KCNMA1: variants seen among roughly 807,000 people sequenced by gnomAD.
KCNMA1 encodes the protein potassium calcium-activated channel subfamily M alpha 1.
In KCNMA1, 29 loss-of-function variants were observed where a neutral mutation model predicts 140.0. The ratio of observed to expected loss-of-function variants is 0.21; its 90% CI spans 0.15 to 0.28. The LOEUF (loss-of-function observed/expected upper bound fraction) is 0.28. Ranked by LOEUF, KCNMA1 falls within the 10% of genes least tolerant of loss-of-function variation. KCNMA1 has a pLI of 1.00. For missense variants in KCNMA1, 880 were observed against 1,602.2 expected, an observed-to-expected ratio of 0.55 and a Z score of 7.70; for synonymous variants, 612 against 611.9, an observed-to-expected ratio of 1.00 and a Z score of 0.00.
chr10:76,913,970 T>C, intron 24 of KCNMA1: 1 of 1,009,136 alleles, frequency 9.9e-7, no homozygotes, highest in South Asian at 1.5e-5. Context: ...TTACAGCCGG[T>C]GAAATAAAAA....
Position 77,626,739 on chromosome 10 carries a change from G to A in KCNMA1, c.378+10526C>T, listed in dbSNP as rs193241249. Among the ~76,000 whole-genome samples the A allele has an allele frequency of 8.5e-4, 129 of 152,256 alleles. 1 individual carries two copies. Among genetic ancestry groups the A allele is most frequent in the Admixed American group, 4.1e-3 (63 of 15,296 alleles). ...GCTTCACCTCTGAGCCACACAGGCC[G>A]CGTGCTATCAGTTCATTCCACAGAA... On this transcript the variant is annotated intron_variant, in intron 1 of 27. Transcript: ENST00000286628.
chr10:77,286,266 G>C (rs373904811), intron 2 of KCNMA1, among the ~76,000 whole-genome samples: 3 of 152,076 alleles, frequency 2.0e-5, no homozygotes, highest in African/African-American at 7.2e-5. Flanking sequence ...TCATTTAAAC[G>C]CCACCTCGAT....
intron 1 of KCNMA1, among the ~76,000 whole-genome samples, chr10:77,431,681 T>TAAAAAAAAAAAAAAAAA (rs71028276): frequency 1.3e-5 from 1 of 75,438 alleles, no homozygotes; most frequent in African/African-American, 4.8e-5. Flanking sequence ...TGGTCTGTTG[T>TAAAAAAAAAAAAAAAAA]AAAAAAAAAA....
intron 3 of KCNMA1, among the ~76,000 whole-genome samples, chr10:77,224,181 G>T (rs991088427): frequency 3.3e-5 from 5 of 152,344 alleles, no homozygotes; most frequent in African/African-American, 1.2e-4. Context: ...ACATGTGTCT[G>T]CTCCCAAAAT....
chr10:77,634,434 C>T (rs1294550985), intron 1 of KCNMA1: 1 of 985,296 alleles, frequency 1.0e-6, no homozygotes, highest in Non-Finnish European at 1.2e-6. Context: ...AGAGATGTCC[C>T]ACGATGCATG....
intron 3 of KCNMA1, among the ~76,000 whole-genome samples, chr10:77,223,825 C>T (rs938314339): frequency 2.6e-5 from 4 of 152,098 alleles, no homozygotes; most frequent in Admixed American, 6.6e-5. Context: ...CTTGGTGGTA[C>T]TGGTTCACGC....
downstream of KCNMA1, among the ~76,000 whole-genome samples, chr10:76,883,156 C>T (rs1049688439): frequency 6.6e-6 from 1 of 152,178 alleles, no homozygotes; most frequent in Non-Finnish European, 1.5e-5. Flanking sequence ...GGCTATTCCC[C>T]TTTCTCAGAA....
At chr10:76,995,428 A>T (rs999490986) in intron 19 of KCNMA1, 1 of 390,102 alleles carries the variant, frequency 2.6e-6, no homozygotes, top group Non-Finnish European at 5.4e-6. Context: ...GCAGAGACGG[A>T]CTTGACATTT....
Position 76,930,429 on chromosome 10 carries a change from C to G in KCNMA1, c.2902+14344G>C, listed in dbSNP as rs566028954. Among the ~76,000 whole-genome samples, 27 of 152,248 alleles carry G rather than the reference C, an allele frequency of 1.8e-4. No individual in the cohort carries two copies. The South Asian group carries it at 5.6e-3, about 32-fold the overall frequency. ...AATGCAAATCACAATAAGATATCACCTCATACCTGTTAAGATTGCTATTAT... is the reference window on the plus strand; with the variant it reads ...AATGCAAATCACAATAAGATATCACGTCATACCTGTTAAGATTGCTATTAT... On this transcript the variant is annotated intron_variant, in intron 23 of 27. Transcript: ENST00000286628.
At chr10:77,176,113 T>C (rs555527934) in intron 5 of KCNMA1, among the ~76,000 whole-genome samples, 4 of 152,230 alleles carry the variant, frequency 2.6e-5, no homozygotes, top group South Asian at 4.2e-4. Context: ...AGATGCTCCA[T>C]TGAAGCAGAG....
chr10:76,903,493 C>T (rs544316938), intron 25 of KCNMA1: 3 of 152,144 alleles, frequency 2.0e-5, no homozygotes, highest in African/African-American at 7.2e-5. Flanking sequence ...CCAGGCCTGC[C>T]TGGCCTGATG....
chr10:77,268,408 G>A (rs1166691894), intron 2 of KCNMA1, among the ~76,000 whole-genome samples: 1 of 152,138 alleles, frequency 6.6e-6, no homozygotes, highest in African/African-American at 2.4e-5. Flanking sequence ...GCATTTCCAT[G>A]CTGCTAGTGG....
rs144035910 is a variant in KCNMA1 at position 76,934,054 on chromosome 10, C to T, written c.2902+10719G>A. On this transcript the variant is annotated intron_variant, in intron 23 of 27. Coordinates refer to ENST00000286628, the MANE Select transcript of KCNMA1 (RefSeq NM_001161352.2). ...ATGGCGCAATCTCGGCTCACTGCAA[C>T]CTCCACCTCCTGGGTTCATGTGATT... Among the ~76,000 whole-genome samples, 1,184 of 152,258 alleles carry T rather than the reference C, an allele frequency of 7.8e-3. 16 individuals carry two copies. The highest frequency in any genetic ancestry group is 0.028 in the African/African-American group (1,143 of 41,538).
chr10:77,045,721 T>G (rs2095010494), intron 14 of KCNMA1, among the ~76,000 whole-genome samples: 1 of 152,200 alleles, frequency 6.6e-6, no homozygotes, highest in African/African-American at 2.4e-5. Context: ...CTTCCTCTGA[T>G]TAGAGTGAAA....
At chr10:77,098,571 C>A (rs2097000280) in intron 9 of KCNMA1, among the ~76,000 whole-genome samples, 1 of 143,740 alleles carries the variant, frequency 7.0e-6, no homozygotes, top group Middle Eastern at 3.3e-3. Context: ...GGTACCCTAA[C>A]CTTTAAAAAA....
intron 2 of KCNMA1, among the ~76,000 whole-genome samples, chr10:77,336,797 G>C (rs1422362233): frequency 6.6e-6 from 1 of 152,174 alleles, no homozygotes; most frequent in Non-Finnish European, 1.5e-5. Flanking sequence ...AGCAGACCAG[G>C]CTGATGGACC....
At chr10:77,002,686 A>C (rs1182859396) in intron 18 of KCNMA1, among the ~76,000 whole-genome samples, 1 of 152,134 alleles carries the variant, frequency 6.6e-6, no homozygotes, top group Non-Finnish European at 1.5e-5. Flanking sequence ...GTAGTTTCCA[A>C]TGCCCTTCAC....
intron 7 of KCNMA1, among the ~76,000 whole-genome samples, chr10:77,110,888 G>C (rs536414701): frequency 6.6e-6 from 1 of 152,320 alleles, no homozygotes; most frequent in South Asian, 2.1e-4. Context: ...ATCTGGCCCT[G>C]CTCTCCCTCC....
chr10:76,917,638 A>C (rs1244845303), intron 23 of KCNMA1, among the ~76,000 whole-genome samples: 1 of 152,122 alleles, frequency 6.6e-6, no homozygotes, highest in Non-Finnish European at 1.5e-5. Flanking sequence ...CTCTCTGTTG[A>C]AGGCCCAACT....
Sources: allele counts gnomAD v4.1 joint callset (sites outside exome capture counted in the v4.1 genomes callset), GRCh38; gene constraint gnomAD v4.1.1; transcripts MANE v1.5; gene names NCBI Gene and HGNC (gene_info 2026-07-23, HGNC 2026-07-21).